NDC80: variants seen among roughly 807,000 people sequenced by gnomAD.
NDC80 encodes the protein kinetochore protein NDC80 homolog.
Under a neutral mutation model 89.3 loss-of-function variants are expected in NDC80, and 69 were observed. That is an observed-to-expected ratio of 0.77 (90% CI 0.64 to 0.94). The LOEUF is 0.94. Ranked by LOEUF, NDC80 falls within the 40% of genes least tolerant of loss-of-function variation. The probability of loss-of-function intolerance (pLI) is 0.00; values close to 1 mark genes in which losing one functional copy is unlikely to be tolerated. For missense variants in NDC80, 593 were observed against 739.6 expected (o/e 0.80, Z 2.30); for synonymous variants, 243 against 255.6 (o/e 0.95, Z 0.47).
intron 3 of NDC80, chr18:2,577,461 G>T (rs944572287): frequency 1.2e-5 from 3 of 254,128 alleles, no homozygotes; most frequent in South Asian, 4.9e-5. Context: ...GTGATCCACC[G>T]CCTCAGCCTC....
intron 13 of NDC80, among the ~76,000 whole-genome samples, chr18:2,605,016 G>A (rs1295254509): frequency 6.6e-6 from 1 of 152,080 alleles, no homozygotes. Flanking sequence ...CAGTGAAGAC[G>A]GAGAAAGGAG....
chr18:2,609,434 A>G (rs2072731269), intron 15 of NDC80, among the ~76,000 whole-genome samples: 1 of 152,168 alleles, frequency 6.6e-6, no homozygotes, highest in Non-Finnish European at 1.5e-5. Context: ...AGGCCGAGAC[A>G]GGAGAATCAC....
In NDC80 at chr18:2,606,476, A is replaced by T. The variant is rs1254675373; in HGVS notation, c.1526A>T (p.Lys509Met). ...AGAACTCTGAAAGAAGAAGTTCAAA[A>T]GCTGGATGATCTTTACCAACAAAAA... ...SVRTLKEEVQ[K>M]LDDLYQQKIK... The change falls in exon 14 of 17, where the codon AAG (lysine) becomes ATG (methionine). Residue 509 changes from lysine (K) to methionine (M), a missense_variant. By Grantham distance (95) the Lys-to-Met change is moderately conservative (BLOSUM62 -1). Transcript: ENST00000261597. 6.2e-7 allele frequency: 1 copy of T among 1,607,546 alleles called. No individual in the cohort carries two copies. Among genetic ancestry groups the T allele is most frequent in the East Asian group, 2.2e-5 (1 of 44,452 alleles).
At chr18:2,610,619 A>G (rs2072737861) in intron 15 of NDC80, 140 bp from the exon 16 acceptor site, 1 of 464,648 alleles carries the variant, frequency 2.2e-6, no homozygotes. Flanking sequence ...TGGGACCTCT[A>G]CAAATTATAC....
chr18:2,616,624 C>G lies in NDC80; in HGVS notation c.*50C>G. 1 of 1,049,324 alleles carries G rather than the reference C, an allele frequency of 9.5e-7. No individual in the cohort carries two copies. The highest frequency in any genetic ancestry group is 1.3e-6 in the Non-Finnish European group (1 of 779,624). The allele number at this position is 1,049,324 out of a possible 1,614,324, so 65.0% of individuals were successfully genotyped here. The stretch of plus-strand genomic sequence containing the variant: ...ATATCCATAGTGAATAAAATTGTCT[C>G]AGTAAAGTGTATTTTTCTCTCTCAT... On this transcript the variant is annotated 3_prime_UTR_variant, in exon 17 of 17. Transcript: ENST00000261597.
intron 2 of NDC80, among the ~76,000 whole-genome samples, chr18:2,574,372 T>C (rs2072534895): frequency 6.6e-6 from 1 of 152,298 alleles, no homozygotes; most frequent in Non-Finnish European, 1.5e-5. Context: ...ATATTGACTG[T>C]TCCCAACAAA....
chr18:2,573,209 G>A lies in NDC80; in HGVS notation c.101+123G>A, dbSNP rs1226358203. On this transcript the variant is annotated intron_variant, in intron 2 of 16. Transcript: ENST00000261597. ...TCTTGGTGAATCTTGTCTGTTCCCA[G>A]GGGTACCTAATTTTGGATCAATGAA... 5 of 716,770 alleles carry A rather than the reference G, an allele frequency of 7.0e-6. No homozygotes were observed. In the Admixed American group the frequency reaches 1.5e-4, roughly 22 times the overall value. The allele number at this position is 716,770 out of a possible 1,614,324, so 44.4% of individuals were successfully genotyped here. A position where few individuals can be genotyped will look rare whatever the true frequency, so the allele number is the denominator to read the frequency against.
rs2072763579 is a variant in NDC80, at chr18:2,614,476, AAAGAAAGGAAGGAAGG to A, written c.1792-1957_1792-1942del. 1.6e-3 allele frequency: 7 copies of A among 4,274 alleles called. 1 individual carries two copies. Among genetic ancestry groups the A allele is most frequent in the Non-Finnish European group, 2.5e-3 (6 of 2,400 alleles). The allele number at this position is 4,274 out of a possible 1,614,324, so 0.3% of individuals were successfully genotyped here. On this transcript the variant is annotated intron_variant, in intron 16 of 16. Transcript: ENST00000261597. Reference sequence around the variant, plus strand: ...GAAAGAAAGAAAGAAAGAAAGAAAGAAAGAAAGGAAGGAAGGAAGGAAGGAAGGAAGGAAGGAAGGA... The same window carrying A: ...GAAAGAAAGAAAGAAAGAAAGAAAGAAAGGAAGGAAGGAAGGAAGGAAGGA...
chr18:2,600,684 C>T (rs2072680092), intron 12 of NDC80, among the ~76,000 whole-genome samples: 1 of 151,492 alleles, frequency 6.6e-6, no homozygotes. Flanking sequence ...TAAAACTCAG[C>T]AATAACTTCA....
chr18:2,601,378 T>C lies in NDC80; in HGVS notation c.1375-18T>C, dbSNP rs549758823. ...AATTAAATGTTATATGTCACCCACATTCCTATGTATTTTATAGGTACCTCT... is the reference window on the plus strand; with the variant it reads ...AATTAAATGTTATATGTCACCCACACTCCTATGTATTTTATAGGTACCTCT... On this transcript the variant is annotated intron_variant, in intron 12 of 16. Coordinates refer to ENST00000261597, the MANE Select transcript of NDC80 (RefSeq NM_006101.3). 7 of 1,253,262 alleles carry C rather than the reference T, an allele frequency of 5.6e-6. No individual in the cohort carries two copies. In the East Asian group the frequency reaches 1.7e-4, roughly 31 times the overall value. The allele number at this position is 1,253,262 out of a possible 1,614,324, so 77.6% of individuals were successfully genotyped here.
intron 12 of NDC80, 54 bp from the exon 13 acceptor site, chr18:2,601,342 G>A: frequency 1.2e-6 from 1 of 832,188 alleles, no homozygotes; most frequent in Non-Finnish European, 1.8e-6. Flanking sequence ...GCTTCAGGAG[G>A]GATATTTTGT....
chr18:2,599,152 A>G lies in NDC80; in HGVS notation c.1355A>G (p.Lys452Arg), dbSNP rs35226605. ...NPEAGANCLVKYRAQVYVPLK... is the reference protein window; with the variant it reads ...NPEAGANCLVRYRAQVYVPLK... Reference sequence around the variant, plus strand: ...GAGGCTGGTGCCAACTGCCTTGTCAAATACAGGGCTCAAGTTTATGTAAGT... The same window carrying G: ...GAGGCTGGTGCCAACTGCCTTGTCAGATACAGGGCTCAAGTTTATGTAAGT... Residue 452 changes from lysine to arginine, a missense_variant, in exon 12 of 17, where the codon AAA (lysine) becomes AGA (arginine). Physicochemically the swap from Lys to Arg is conservative, Grantham distance 26 (BLOSUM62 2). Transcript: ENST00000261597. The G allele has an allele frequency of 3.2e-5, 52 of 1,609,428 alleles. No individual in the cohort carries two copies. Among genetic ancestry groups the G allele is most frequent in the Non-Finnish European group, 4.2e-5 (49 of 1,178,492 alleles).
At chr18:2,609,387 G>A (rs917297805) in intron 15 of NDC80, among the ~76,000 whole-genome samples, 1 of 152,066 alleles carries the variant, frequency 6.6e-6, no homozygotes, top group Non-Finnish European at 1.5e-5. Flanking sequence ...CAGTAGTTAG[G>A]CTCAGTGGCA....
chr18:2,604,862 ATTATTG>A (rs1250782683), intron 13 of NDC80, among the ~76,000 whole-genome samples: 1 of 152,090 alleles, frequency 6.6e-6, no homozygotes, highest in Non-Finnish European at 1.5e-5. Context: ...AATAACAATA[ATTATTG>A]TTATTTTAGT....
At chr18:2,603,001 G>T (rs2072691798) in intron 13 of NDC80, among the ~76,000 whole-genome samples, 1 of 152,146 alleles carries the variant, frequency 6.6e-6, no homozygotes, top group South Asian at 2.1e-4. Context: ...CCATATTTTT[G>T]ATGTGGGCAA....
At chr18:2,603,145 A>C (rs944852108) in intron 13 of NDC80, among the ~76,000 whole-genome samples, 1 of 152,062 alleles carries the variant, frequency 6.6e-6, no homozygotes, top group Non-Finnish European at 1.5e-5. Flanking sequence ...GAAGGAGATC[A>C]GGGCTGAAAA....
At chr18:2,589,125 G>C (rs1014181789) in intron 8 of NDC80, 79 bp from the exon 9 acceptor site, 1 of 866,270 alleles carries the variant, frequency 1.2e-6, no homozygotes, top group African/African-American at 1.7e-5. Context: ...AAGTGAGGGA[G>C]GGAGTAATGG....
intron 15 of NDC80, 39 bp downstream of exon 15, chr18:2,608,869 G>T: frequency 3.2e-6 from 5 of 1,561,128 alleles, no homozygotes; most frequent in South Asian, 1.2e-5. Flanking sequence ...TTTATTTTCA[G>T]ATTATTAATT....
chr18:2,598,894 T>A, intron 11 of NDC80, 125 bp from the exon 12 acceptor site: 1 of 915,504 alleles, frequency 1.1e-6, no homozygotes, highest in East Asian at 2.7e-5. Flanking sequence ...TGCTAAAGAT[T>A]ACTGAATTAG....
Sources: allele counts gnomAD v4.1 joint callset (sites outside exome capture counted in the v4.1 genomes callset), GRCh38; gene constraint gnomAD v4.1.1; transcripts MANE v1.5; gene names NCBI Gene and HGNC (gene_info 2026-07-23, HGNC 2026-07-21).